Variants in SERPINB11 observed in about 807,000 individuals in gnomAD.
SERPINB11 encodes the protein serpin family B member 11.
Under a neutral mutation model 36.7 loss-of-function variants are expected in SERPINB11, and 32 were observed. The observed-to-expected ratio is 0.87, with a 90% CI of 0.66 to 1.17. SERPINB11 has a LOEUF of 1.17. Ranked by LOEUF, SERPINB11 falls within the 50% of genes most tolerant of loss-of-function variation. SERPINB11 has a pLI of 0.00. For missense variants in SERPINB11, 528 were observed against 458.4 expected (o/e 1.15, Z -1.39); for synonymous variants, 174 against 168.1 (o/e 1.04, Z -0.27).
Position 63,723,250 on chromosome 18 carries a change from A to T in SERPINB11, c.1030A>T (p.Thr344Ser), listed in dbSNP as rs1914869368. The T allele has an allele frequency of 6.2e-7, 1 of 1,613,990 alleles. No homozygotes were observed. ...KSYLDVSEEG[T>S]EAAAATGDSI... ...ATACCTGGATGTCAGCGAAGAGGGC[A>T]CGGAGGCAGCAGCAGCCACTGGGGA... The change falls in exon 8 of 8, where the codon ACG becomes TCG. Residue 344 changes from threonine to serine, a missense_variant. Transcript: ENST00000544088.
At chr18:63,707,568 A>G (rs1349994027) in intron 1 of SERPINB11, among the ~76,000 whole-genome samples, 1 of 152,190 alleles carries the variant, frequency 6.6e-6, no homozygotes, top group Non-Finnish European at 1.5e-5. Flanking sequence ...TCTTACATGT[A>G]TATACCTAGG....
intron 5 of SERPINB11, among the ~76,000 whole-genome samples, chr18:63,718,116 G>A (rs970904604): frequency 6.6e-6 from 1 of 151,932 alleles, no homozygotes; most frequent in Non-Finnish European, 1.5e-5. Flanking sequence ...CCATATGTGT[G>A]TGAATCTGCT....
rs79305773 is a variant in SERPINB11 at position 63,715,124 on chromosome 18, C to T, written c.358-911C>T. 8.2e-4 allele frequency among the ~76,000 whole-genome samples: 125 copies of T among 152,272 alleles called. 1 individual carries two copies. The highest frequency in any genetic ancestry group is 1.2e-3 in the South Asian group (6 of 4,824). On this transcript the variant is annotated intron_variant, in intron 4 of 7. Coordinates refer to ENST00000544088, the MANE Select transcript of SERPINB11 (RefSeq NM_001370475.1). ...TTAGTTAAGCTTTGTTTTTCTTCTACGCTAGGCACATCTTCCATATTTCAA... is the reference window on the plus strand; with the variant it reads ...TTAGTTAAGCTTTGTTTTTCTTCTATGCTAGGCACATCTTCCATATTTCAA...
chr18:63,709,062 G>A (rs764389149), intron 1 of SERPINB11, among the ~76,000 whole-genome samples: 12 of 152,204 alleles, frequency 7.9e-5, no homozygotes, highest in Non-Finnish European at 1.6e-4. Flanking sequence ...ACAGTTAGCG[G>A]TGCTCAAACA....
Position 63,710,330 on chromosome 18 carries a change from C to T in SERPINB11, c.137C>T (p.Ala46Val). 1.2e-6 allele frequency: 2 copies of T among 1,613,098 alleles called. No individual in the cohort carries two copies. Among genetic ancestry groups the T allele is most frequent in the Non-Finnish European group, 1.7e-6 (2 of 1,179,464 alleles). Residue 46 changes from alanine (A) to valine (V), a missense_variant, in exon 2 of 8, where the codon GCC becomes GTC. Physicochemically the swap from Ala to Val is moderately conservative, Grantham distance 64. Transcript: ENST00000544088. ...LYALSMVLLG[A>V]RGETEEQLEK... is the part of the protein sequence containing the mutation. ...GCTCTAAGCATGGTCCTCCTTGGTG[C>T]CAGGGGAGAGACTGAAGAGCAATTG...
chr18:63,722,954 G>A (rs2144553339), intron 7 of SERPINB11, 41 bp from the exon 8 acceptor site: 1 of 1,505,984 alleles, frequency 6.6e-7, no homozygotes, highest in Non-Finnish European at 8.8e-7. Context: ...TAGAGGTCGT[G>A]TGTTTGACTC....
chr18:63,714,617 T>C (rs1914619065), intron 4 of SERPINB11, among the ~76,000 whole-genome samples: 1 of 141,736 alleles, frequency 7.1e-6, no homozygotes, highest in Non-Finnish European at 1.5e-5. Flanking sequence ...AATTCAACGA[T>C]ATTTCTCCTA....
rs1352031864 is a variant in SERPINB11, at chr18:63,720,082, T to C, written c.545T>C (p.Ile182Thr). The C allele has an allele frequency of 1.6e-5, 26 of 1,610,480 alleles. No homozygotes were observed. The highest frequency in any genetic ancestry group is 2.2e-5 in the Non-Finnish European group (26 of 1,177,250). The stretch of plus-strand genomic sequence containing the variant: ...TCTGTAATGGTCCTGGTGAATGCCA[T>C]ATATTTCAAAGGACAATGGCAAAAT... ...PSSVMVLVNA[I>T]YFKGQWQNKF... is the part of the protein sequence containing the mutation. Residue 182 changes from isoleucine to threonine, a missense_variant, in exon 6 of 8, where the codon ATA becomes ACA. By Grantham distance (89) the Ile-to-Thr change is moderately conservative. Coordinates refer to ENST00000544088, the MANE Select transcript of SERPINB11 (RefSeq NM_001370475.1).
At chr18:63,717,191 G>A (rs1199564651) in intron 5 of SERPINB11, among the ~76,000 whole-genome samples, 1 of 152,030 alleles carries the variant, frequency 6.6e-6, no homozygotes, top group Non-Finnish European at 1.5e-5. Context: ...AGTCATCCAT[G>A]TAGTTACACA....
At chr18:63,711,078 A>T (rs1914509876) in intron 2 of SERPINB11, among the ~76,000 whole-genome samples, 2 of 152,300 alleles carry the variant, frequency 1.3e-5, no homozygotes, top group Admixed American at 1.3e-4. Flanking sequence ...CAATGGTCTG[A>T]GGCAAGCTGC....
chr18:63,721,064 T>A, intron 7 of SERPINB11, 78 bp downstream of exon 7: 1 of 1,271,716 alleles, frequency 7.9e-7, no homozygotes, highest in Admixed American at 2.1e-5. Context: ...ACACTGTGTA[T>A]CTCATGACAT....
intron 5 of SERPINB11, among the ~76,000 whole-genome samples, chr18:63,719,524 C>T (rs1914750261): frequency 6.6e-6 from 1 of 151,926 alleles, no homozygotes; most frequent in African/African-American, 2.4e-5. Flanking sequence ...TTTTATGAAT[C>T]TTGATTTTCA....
chr18:63,711,375 G>A lies in SERPINB11; in HGVS notation c.209G>A (p.Gly70Glu), dbSNP rs1304145462. Residue 70 changes from glycine to glutamate, a missense_variant, in exon 3 of 8, where the codon GGG becomes GAG. Coordinates refer to ENST00000544088, the MANE Select transcript of SERPINB11 (RefSeq NM_001370475.1). The part of the protein sequence containing the change: ...FSHTVDSLKP[G>E]FKDSPKCSQA... ...CATACTGTAGACTCATTAAAACCAG[G>A]GTTCAAGGACTCACCTAAGGTATGA... is the stretch of plus-strand genomic sequence containing the variant. 1.2e-6 allele frequency: 2 copies of A among 1,609,444 alleles called. No individual in the cohort carries two copies. Among genetic ancestry groups the A allele is most frequent in the Admixed American group, 1.7e-5 (1 of 59,882 alleles).
In SERPINB11 at chr18:63,723,267, C is replaced by T. The variant is rs773399882; in HGVS notation, c.1047C>T (p.Ala349=). Residue 349 remains alanine, a synonymous_variant, in exon 8 of 8, where the codon GCC becomes GCT. Transcript: ENST00000544088. ...VSEEGTEAAA[A]TGDSIAVKSL... is the part of the protein sequence containing the mutation. ...AAGAGGGCACGGAGGCAGCAGCAGCCACTGGGGACAGCATCGCTGTAAAAA... is the reference window on the plus strand; with the variant it reads ...AAGAGGGCACGGAGGCAGCAGCAGCTACTGGGGACAGCATCGCTGTAAAAA... The T allele has an allele frequency of 1.2e-5, 20 of 1,613,834 alleles. No individual in the cohort carries two copies. The highest frequency in any genetic ancestry group is 1.7e-5 in the Non-Finnish European group (20 of 1,179,884).
In SERPINB11 at chr18:63,723,627, T is replaced by C. The variant is rs1014875814; in HGVS notation, c.*228T>C. ...ATGCAGAAAGCCTTTCTGGCTTTCT[T>C]ATCTGTGGTGTCTCATTTGAGTGCT... On this transcript the variant is annotated 3_prime_UTR_variant, in exon 8 of 8. Transcript: ENST00000544088. The C allele has an allele frequency of 8.9e-6, 4 of 451,392 alleles. No individual in the cohort carries two copies. Among genetic ancestry groups the C allele is most frequent in the East Asian group, 6.7e-5 (2 of 29,692 alleles). The allele number at this position is 451,392 out of a possible 1,614,324, so 28.0% of individuals were successfully genotyped here. A position where few individuals can be genotyped will look rare whatever the true frequency, so the allele number is the denominator to read the frequency against.
At chr18:63,704,776 A>C (rs1478743343) in intron 1 of SERPINB11, among the ~76,000 whole-genome samples, 2 of 152,222 alleles carry the variant, frequency 1.3e-5, no homozygotes, top group African/African-American at 4.8e-5. Context: ...TGAATAATAC[A>C]CATATAGTAC....
rs749135099 is a variant in SERPINB11, at chr18:63,710,363, T to C, written c.168+2T>C. Reference sequence around the variant, plus strand: ...GAGACTGAAGAGCAATTGGAGAAGGTATGGAATTCCTCAGAGGTTTGTTCA... The same window carrying C: ...GAGACTGAAGAGCAATTGGAGAAGGCATGGAATTCCTCAGAGGTTTGTTCA... On this transcript the variant is annotated splice_donor_variant, in intron 2 of 7. Transcript: ENST00000544088. LOFTEE classifies it high-confidence loss of function. The C allele has an allele frequency of 1.8e-5, 29 of 1,608,826 alleles. No individual in the cohort carries two copies. Among genetic ancestry groups the C allele is most frequent in the Middle Eastern group, 1.7e-4 (1 of 6,058 alleles).
chr18:63,719,192 C>T (rs1914742353), intron 5 of SERPINB11, among the ~76,000 whole-genome samples: 1 of 152,004 alleles, frequency 6.6e-6, no homozygotes, highest in Admixed American at 6.6e-5. Flanking sequence ...TAGGGATCCA[C>T]ATGTTATATA....
At chr18:63,719,008 T>A (rs1598967124) in intron 5 of SERPINB11, among the ~76,000 whole-genome samples, 1 of 152,036 alleles carries the variant, frequency 6.6e-6, no homozygotes, top group Non-Finnish European at 1.5e-5. Flanking sequence ...AAGCCCACAA[T>A]TGAGCCAGTA....
Sources: allele counts gnomAD v4.1 joint callset (sites outside exome capture counted in the v4.1 genomes callset), GRCh38; gene constraint gnomAD v4.1.1; transcripts MANE v1.5; gene names NCBI Gene and HGNC (gene_info 2026-07-23, HGNC 2026-07-21).